Variants in TMC3 observed in about 807,000 individuals in gnomAD.
The protein encoded by TMC3 is transmembrane channel-like protein 3.
A neutral mutation model predicts 110.6 loss-of-function variants in TMC3; 98 were observed. The observed-to-expected ratio is 0.89, with a 90% CI of 0.75 to 1.05. TMC3 has a LOEUF of 1.05. Among genes scored for constraint, TMC3 ranks in the 50% least tolerant of loss-of-function variants. The pLI, the probability that TMC3 is intolerant of heterozygous loss-of-function variation, is 0.00. For synonymous variants in TMC3, 489 were observed against 513.1 expected (o/e 0.95, Z 0.63); for missense variants, 1,319 against 1,373.2 (o/e 0.96, Z 0.62).
In TMC3 at chr15:81,357,415, G is replaced by A. The variant is rs371296159; in HGVS notation, c.743+734C>T. On this transcript the variant is annotated intron_variant, in intron 7 of 21. Transcript: ENST00000359440. The stretch of plus-strand genomic sequence containing the variant: ...AAGCAGAAGCAGCAGATGAACCAGC[G>A]TGGGTGGGGCCAGCTTTTCCCCGGG... Among the ~76,000 whole-genome samples the A allele has an allele frequency of 1.2e-3, 181 of 152,030 alleles. 1 individual carries two copies. Among genetic ancestry groups the A allele is most frequent in the Middle Eastern group, 6.8e-3 (2 of 294 alleles).
chr15:81,341,948 C>T (rs1331187382), intron 15 of TMC3, among the ~76,000 whole-genome samples: 3 of 152,184 alleles, frequency 2.0e-5, no homozygotes, highest in African/African-American at 2.4e-5. Flanking sequence ...ATTAAGCATC[C>T]TCACACATTT....
Position 81,337,922 on chromosome 15 carries a change from A to C in TMC3, c.2084T>G (p.Met695Arg). ...VILPAVLLLF[M>R]LIYYLQSIAR... ...GATGCTCTGGAGATAATAGATGAGCATGCTAGGACAGAACAACACAGGACA... is the reference window on the plus strand; with the variant it reads ...GATGCTCTGGAGATAATAGATGAGCCTGCTAGGACAGAACAACACAGGACA... Residue 695 changes from methionine to arginine, a missense_variant and splice_region_variant, in exon 19 of 22, where the codon ATG (methionine) becomes AGG (arginine). Transcript: ENST00000359440. 1 of 1,613,658 alleles carries C rather than the reference A, an allele frequency of 6.2e-7. No homozygotes were observed. Among genetic ancestry groups the C allele is most frequent in the Non-Finnish European group, 8.5e-7 (1 of 1,179,544 alleles).
chr15:81,340,741 C>T (rs1346590262), intron 16 of TMC3, among the ~76,000 whole-genome samples: 1 of 152,174 alleles, frequency 6.6e-6, no homozygotes, highest in Non-Finnish European at 1.5e-5. Context: ...TGTGTCCCAG[C>T]AATTGCATTC....
chr15:81,333,640 T>TG (rs765951531), intron 21 of TMC3, among the ~76,000 whole-genome samples: 44 of 152,214 alleles, frequency 2.9e-4, no homozygotes, highest in Non-Finnish European at 5.4e-4. Context: ...GTCTGACTTC[T>TG]CAAGCACTTC....
chr15:81,348,115 A>T (rs1893864557), intron 11 of TMC3, among the ~76,000 whole-genome samples: 1 of 152,232 alleles, frequency 6.6e-6, no homozygotes. Flanking sequence ...GGCTGCTTTC[A>T]TGCTAGAACC....
chr15:81,340,003 T>C (rs1031570804), intron 16 of TMC3, among the ~76,000 whole-genome samples: 1 of 152,222 alleles, frequency 6.6e-6, no homozygotes, highest in Non-Finnish European at 1.5e-5. Flanking sequence ...CCACTCCGCA[T>C]GTGGCTGCCC....
At chr15:81,357,065 C>T (rs1444484157) in intron 7 of TMC3, among the ~76,000 whole-genome samples, 1 of 152,172 alleles carries the variant, frequency 6.6e-6, no homozygotes, top group African/African-American at 2.4e-5. Context: ...CATCAACCCT[C>T]CTTAGGTGAA....
In TMC3 at chr15:81,344,478, C is replaced by A. The variant is rs138843209; in HGVS notation, c.1518+288G>T. Among the ~76,000 whole-genome samples, 1,425 of 152,216 alleles carry A rather than the reference C, an allele frequency of 9.4e-3. 9 individuals are homozygous for A. The highest frequency in any genetic ancestry group is 0.014 in the Non-Finnish European group (984 of 68,020). On this transcript the variant is annotated intron_variant, in intron 13 of 21. Transcript: ENST00000359440. The stretch of plus-strand genomic sequence containing the variant: ...GCTCTTTACTATCTGTGTCCTTGGG[C>A]AAGTACTTGACCACTGTGCCTCAGT...
chr15:81,349,325 T>C (rs1893891982), intron 11 of TMC3, 133 bp downstream of exon 11: 3 of 470,014 alleles, frequency 6.4e-6, no homozygotes, highest in Admixed American at 4.4e-5. Context: ...TTGAGTTGCA[T>C]CCATAGGTAA....
intron 15 of TMC3, chr15:81,341,785 GGA>G (rs1028919166): frequency 4.5e-6 from 1 of 221,138 alleles, no homozygotes. Flanking sequence ...GCTGAGCAAA[GGA>G]AAATCCTCTG....
At chr15:81,364,105 G>A (rs1894251335) in intron 3 of TMC3, among the ~76,000 whole-genome samples, 4 of 152,078 alleles carry the variant, frequency 2.6e-5, no homozygotes, top group African/African-American at 9.7e-5. Context: ...AGTTGTATGA[G>A]AATTTTCATA....
intron 16 of TMC3, among the ~76,000 whole-genome samples, chr15:81,340,460 G>T (rs762148143): frequency 9.9e-5 from 15 of 152,166 alleles, no homozygotes; most frequent in Non-Finnish European, 1.5e-4. Flanking sequence ...CAGATAAAAT[G>T]CATTGTCAAG....
intron 7 of TMC3, among the ~76,000 whole-genome samples, chr15:81,357,397 A>G (rs1426014466): frequency 6.6e-6 from 1 of 151,896 alleles, no homozygotes; most frequent in Non-Finnish European, 1.5e-5. Flanking sequence ...ATCAAGCAGA[A>G]GCAGCAGATG....
chr15:81,337,718 C>T (rs1415410617), intron 19 of TMC3, 128 bp downstream of exon 19: 7 of 766,844 alleles, frequency 9.1e-6, no homozygotes, highest in Non-Finnish European at 1.6e-5. Context: ...GGTGGCCTTG[C>T]ACCATAGTGG....
Position 81,338,731 on chromosome 15 carries a change from A to G in TMC3, c.2005T>C (p.Phe669Leu). The G allele has an allele frequency of 2.5e-6, 4 of 1,614,022 alleles. No individual in the cohort carries two copies. Among genetic ancestry groups the G allele is most frequent in the Middle Eastern group, 1.6e-4 (1 of 6,062 alleles). Residue 669 changes from phenylalanine (F) to leucine (L), a missense_variant, in exon 18 of 22, where the codon TTT (phenylalanine) becomes CTT (leucine). Transcript: ENST00000359440. ...DIVSETIEKD[F>L]PVWFGSVVGH... is the part of the protein sequence containing the mutation. The stretch of plus-strand genomic sequence containing the variant: ...ACCACGGAGCCAAACCACACAGGAA[A>G]GTCTTTCTCAATCGTTTCTGACACA...
chr15:81,356,716 C>T (rs971196076), intron 7 of TMC3, 122 bp from the exon 8 acceptor site: 48 of 1,079,614 alleles, frequency 4.4e-5, no homozygotes, highest in East Asian at 3.7e-4. Context: ...CGCAGCTCCT[C>T]GGGTCACAGC....
chr15:81,366,430 A>T (rs1051373111), intron 3 of TMC3, among the ~76,000 whole-genome samples: 42 of 152,218 alleles, frequency 2.8e-4, no homozygotes, highest in Non-Finnish European at 3.1e-4. Flanking sequence ...CGAGATAAAA[A>T]TTTGGATTAC....
intron 4 of TMC3, 68 bp downstream of exon 4, chr15:81,362,152 C>T (rs141220218): frequency 2.6e-5 from 36 of 1,387,978 alleles, no homozygotes; most frequent in Non-Finnish European, 3.5e-5. Flanking sequence ...ACACAGCAGA[C>T]TCTCCTTAGG....
chr15:81,365,944 G>A (rs1215951008), intron 3 of TMC3, among the ~76,000 whole-genome samples: 1 of 152,052 alleles, frequency 6.6e-6, no homozygotes, highest in African/African-American at 2.4e-5. Context: ...TATCATACAT[G>A]TTGTTAGATA....
Sources: allele counts gnomAD v4.1 joint callset (sites outside exome capture counted in the v4.1 genomes callset), GRCh38; gene constraint gnomAD v4.1.1; transcripts MANE v1.5; gene names NCBI Gene and HGNC (gene_info 2026-07-23, HGNC 2026-07-21).